The following ADGRL2 variants were observed in gnomAD, a reference collection of about 807,000 sequenced individuals.
The protein encoded by ADGRL2 is calcium-independent alpha-latrotoxin receptor 2.
A neutral mutation model predicts 157.4 loss-of-function variants in ADGRL2; 44 were observed. That is an observed-to-expected ratio of 0.28 (90% CI 0.22 to 0.36). ADGRL2 has a LOEUF of 0.36. Among genes scored for constraint, ADGRL2 ranks in the 10% least tolerant of loss-of-function variants. The probability of loss-of-function intolerance (pLI) is 1.00; values close to 1 mark genes in which losing one functional copy is unlikely to be tolerated. For missense variants in ADGRL2, 1,510 were observed against 1,768.9 expected (o/e 0.85, Z 2.63); for synonymous variants, 585 against 624.7 (o/e 0.94, Z 0.95).
intron 2 of ADGRL2, among the ~76,000 whole-genome samples, chr1:81,454,686 C>A (rs181594512): frequency 6.6e-6 from 1 of 152,110 alleles, no homozygotes; most frequent in African/African-American, 2.4e-5. Flanking sequence ...GGCAGTCAAT[C>A]GACTACGAAC....
chr1:81,359,362 C>T (rs913972825), intron 1 of ADGRL2, among the ~76,000 whole-genome samples: 4 of 152,070 alleles, frequency 2.6e-5, no homozygotes, highest in African/African-American at 9.7e-5. Context: ...GTAAAGCTTA[C>T]AGTCTTTAGT....
chr1:81,948,551 A>T (rs1316196139), intron 6 of ADGRL2, among the ~76,000 whole-genome samples: 5 of 152,214 alleles, frequency 3.3e-5, no homozygotes. Context: ...TTGATTCAGC[A>T]GCAGTCATTT....
rs2085569339 is a variant in ADGRL2, at chr1:81,753,808, C to A, written c.-142-8003C>A. Among the ~76,000 whole-genome samples the A allele has an allele frequency of 4.6e-5, 7 of 152,226 alleles. No individual in the cohort carries two copies. In the South Asian group the frequency reaches 1.5e-3, roughly 32 times the overall value. On this transcript the variant is annotated intron_variant, in intron 1 of 20. Transcript: ENST00000359929. Reference sequence around the variant, plus strand: ...ATAATTTGCATCATATCAAACACTTCAAATATCTGGAAAGTTGTCATTATT... The same window carrying A: ...ATAATTTGCATCATATCAAACACTTAAAATATCTGGAAAGTTGTCATTATT...
At position 81,772,300 on chromosome 1, in the gene ADGRL2, A is replaced by C. The variant is rs2086407772; in HGVS notation, c.-101+10448A>C. 3.3e-5 allele frequency among the ~76,000 whole-genome samples: 5 copies of C among 152,116 alleles called. No individual in the cohort carries two copies. In the South Asian group the frequency reaches 1.0e-3, roughly 32 times the overall value. Reference sequence around the variant, plus strand: ...TTTAGTGTTTAATTTCATTGTTAATAACATGTAAGCACTTCTTTGTGATAA... The same window carrying C: ...TTTAGTGTTTAATTTCATTGTTAATCACATGTAAGCACTTCTTTGTGATAA... On this transcript the variant is annotated intron_variant, in intron 2 of 20. Coordinates refer to the ADGRL2 transcript ENST00000359929.
chr1:81,507,726 C>T (rs2079003887), intron 2 of ADGRL2, among the ~76,000 whole-genome samples: 1 of 152,226 alleles, frequency 6.6e-6, no homozygotes, highest in East Asian at 1.9e-4. Flanking sequence ...TTGACAGGGG[C>T]TCCATTGATG....
chr1:81,770,481 T>C (rs1458512646), intron 2 of ADGRL2, among the ~76,000 whole-genome samples: 1 of 147,704 alleles, frequency 6.8e-6, no homozygotes, highest in African/African-American at 2.5e-5. Context: ...AATGTTTTTC[T>C]TTTCCTTTTA....
intron 3 of ADGRL2, among the ~76,000 whole-genome samples, chr1:81,640,014 G>A (rs992451658): frequency 2.6e-5 from 4 of 152,192 alleles, no homozygotes; most frequent in Admixed American, 6.5e-5. Flanking sequence ...TAGTTGATTC[G>A]GTTCATGGGG....
At chr1:81,767,484 A>G (rs547594646) in intron 2 of ADGRL2, among the ~76,000 whole-genome samples, 31 of 152,260 alleles carry the variant, frequency 2.0e-4, no homozygotes, top group African/African-American at 7.2e-4. Flanking sequence ...TAAACATCCT[A>G]TAAGGCACAG....
intron 23 of ADGRL2, among the ~76,000 whole-genome samples, chr1:81,988,838 G>A (rs568546627): frequency 1.6e-4 from 25 of 151,904 alleles, no homozygotes; most frequent in African/African-American, 5.8e-4. Flanking sequence ...GCACTAAAAC[G>A]GGAAATTTCG....
chr1:81,873,903 T>C (rs748898922), intron 2 of ADGRL2, among the ~76,000 whole-genome samples: 21 of 152,122 alleles, frequency 1.4e-4, no homozygotes, highest in Non-Finnish European at 2.9e-4. Context: ...CTTCTGATGG[T>C]TGAAAGATGA....
At chr1:81,378,566 T>TA (rs58850012) in intron 1 of ADGRL2, among the ~76,000 whole-genome samples, 11,780 of 101,270 alleles carry the variant, frequency 0.12, 906 homozygotes, top group African/African-American at 0.18. Context: ...CCTTGTATCT[T>TA]AAAAAAAAAA....
chr1:81,939,752 GA>G (rs1391323272), intron 4 of ADGRL2, among the ~76,000 whole-genome samples: 1 of 151,244 alleles, frequency 6.6e-6, no homozygotes, highest in Non-Finnish European at 1.5e-5. Flanking sequence ...AGAGAATACT[GA>G]TTATATTAAT....
intron 2 of ADGRL2, among the ~76,000 whole-genome samples, chr1:81,867,437 T>C (rs2093573755): frequency 6.6e-6 from 1 of 152,244 alleles, no homozygotes; most frequent in South Asian, 2.1e-4. Context: ...CATGTGGCTC[T>C]TTTCAGATTT....
At chr1:81,355,780 A>T (rs937046420) in intron 1 of ADGRL2, among the ~76,000 whole-genome samples, 20 of 152,136 alleles carry the variant, frequency 1.3e-4, no homozygotes, top group Non-Finnish European at 1.5e-5. Context: ...GCCTCTTTTT[A>T]TGTGTCATTA....
chr1:81,961,530 G>A (rs1237704256), intron 11 of ADGRL2, among the ~76,000 whole-genome samples: 3 of 127,546 alleles, frequency 2.4e-5, no homozygotes, highest in South Asian at 2.4e-4. Flanking sequence ...TTTTTGAGAC[G>A]GAGTTTTGCT....
intron 17 of ADGRL2, among the ~76,000 whole-genome samples, chr1:81,973,119 C>T (rs557025203): frequency 6.6e-6 from 1 of 151,988 alleles, no homozygotes; most frequent in South Asian, 2.1e-4. Context: ...TTGAAGGAAA[C>T]TTAAAACCAC....
chr1:81,421,030 C>A (rs1249481894), intron 1 of ADGRL2, among the ~76,000 whole-genome samples: 1 of 152,130 alleles, frequency 6.6e-6, no homozygotes, highest in Non-Finnish European at 1.5e-5. Context: ...CCTCAAATAG[C>A]ATCTTTTGGG....
chr1:81,885,678 C>A (rs141325359), intron 2 of ADGRL2, among the ~76,000 whole-genome samples: 1 of 152,206 alleles, frequency 6.6e-6, no homozygotes, highest in East Asian at 1.9e-4. Context: ...TCAAAAAGGG[C>A]AAGATGGGGA....
chr1:81,900,507 T>C (rs763832829), intron 2 of ADGRL2, among the ~76,000 whole-genome samples: 25 of 147,884 alleles, frequency 1.7e-4, no homozygotes, highest in Admixed American at 6.9e-5. Flanking sequence ...TGCCCAGCAG[T>C]GTTGTCAATG....
Sources: gnomAD v4.1 joint callset for allele counts (sites outside exome capture counted in the v4.1 genomes callset) on GRCh38, gnomAD v4.1.1 for gene constraint, MANE v1.5 for transcripts, NCBI Gene and HGNC (gene_info 2026-07-23, HGNC 2026-07-21) for gene names.